USP24: variants seen among roughly 807,000 people sequenced by gnomAD.
The protein encoded by USP24 is ubiquitin specific peptidase 24, also known as ubiquitin carboxyl-terminal hydrolase 24.
USP24 carries 97 observed loss-of-function variants against 361.6 expected under a neutral mutation model. That is an observed-to-expected ratio of 0.27 (90% CI 0.23 to 0.32). The LOEUF is 0.32. Among genes scored for constraint, USP24 ranks in the 10% least tolerant of loss-of-function variants. USP24 has a pLI of 1.00. For synonymous variants in USP24, 1,098 were observed against 1,124.6 expected (o/e 0.98, Z 0.47); for missense variants, 2,353 against 3,165.6 (o/e 0.74, Z 6.16).
At chr1:55,160,412 T>C (rs1011260259) in intron 8 of USP24, among the ~76,000 whole-genome samples, 1 of 152,208 alleles carries the variant, frequency 6.6e-6, no homozygotes. Flanking sequence ...AGAGTCATAG[T>C]GCTCTTTTCA....
intron 1 of USP24, among the ~76,000 whole-genome samples, chr1:55,213,946 T>C (rs1365916410): frequency 3.3e-5 from 5 of 151,924 alleles, no homozygotes; most frequent in Admixed American, 6.6e-5. Flanking sequence ...CTACCATCTC[T>C]TTCCCCGGTC....
chr1:55,077,356 A>G, intron 61 of USP24, 56 bp from the exon 62 acceptor site: 3 of 1,472,620 alleles, frequency 2.0e-6, no homozygotes, highest in Non-Finnish European at 2.8e-6. Flanking sequence ...TGGAATGGCA[A>G]TTAACAATGC....
chr1:55,072,455 G>T, intron 65 of USP24, 52 bp from the exon 66 acceptor site: 1 of 1,432,990 alleles, frequency 7.0e-7, no homozygotes, highest in Non-Finnish European at 9.7e-7. Flanking sequence ...AGCCCCCATG[G>T]GTTCACAGTT....
chr1:55,128,472 C>T (rs892031765), intron 32 of USP24, among the ~76,000 whole-genome samples: 1 of 152,164 alleles, frequency 6.6e-6, no homozygotes, highest in Non-Finnish European at 1.5e-5. Context: ...GTTCCCAAGA[C>T]AGGCGATGCG....
At chr1:55,181,630 A>C (rs1643969054) in intron 1 of USP24, among the ~76,000 whole-genome samples, 1 of 152,240 alleles carries the variant, frequency 6.6e-6, no homozygotes, top group Admixed American at 6.5e-5. Flanking sequence ...ATACGTCATT[A>C]CTATGGAGTA....
intron 56 of USP24, among the ~76,000 whole-genome samples, chr1:55,084,742 T>A (rs1445199705): frequency 6.6e-6 from 1 of 151,988 alleles, no homozygotes; most frequent in Non-Finnish European, 1.5e-5. Context: ...GGGGGGCAAA[T>A]AGACATGAAA....
rs558058079 is a variant in USP24, at chr1:55,159,191, C to G, written c.1069-155G>C. 3.9e-4 allele frequency among the ~76,000 whole-genome samples: 59 copies of G among 152,238 alleles called. No homozygotes were observed. The South Asian group carries it at 6.4e-3, about 17-fold the overall frequency. ...AACTTCATTTTGCTTAGAAACAAAA[C>G]TTAGCACATGGGTGAGCAGTAAAGG... is the stretch of plus-strand genomic sequence containing the variant. On this transcript the variant is annotated intron_variant, in intron 9 of 67. Transcript: ENST00000294383.
rs144120317 is a variant in USP24, at chr1:55,129,057, T to C, written c.3635+420A>G. ...TATAATATAGTTACCTAGCTGTTTGTTATTCTTTGTTAAACCATCAGCTGC... is the reference window on the plus strand; with the variant it reads ...TATAATATAGTTACCTAGCTGTTTGCTATTCTTTGTTAAACCATCAGCTGC... On this transcript the variant is annotated intron_variant, in intron 32 of 67. Transcript: ENST00000294383. Among the ~76,000 whole-genome samples the C allele has an allele frequency of 3.8e-3, 582 of 152,254 alleles. 5 individuals carry two copies. Among genetic ancestry groups the C allele is most frequent in the African/African-American group, 0.013 (545 of 41,540 alleles).
intron 28 of USP24, among the ~76,000 whole-genome samples, chr1:55,135,744 T>C (rs553327284): frequency 2.0e-5 from 3 of 152,076 alleles, no homozygotes; most frequent in East Asian, 1.9e-4. Context: ...ATAATAACCA[T>C]AGGGGGAAAT....
At chr1:55,089,171 G>A (rs112683304) in intron 55 of USP24, among the ~76,000 whole-genome samples, 16,808 of 152,204 alleles carry the variant, frequency 0.11, 1,127 homozygotes, top group Non-Finnish European at 0.15. Flanking sequence ...CTCCCAAAGT[G>A]CAGGGATTAC....
chr1:55,073,875 A>G lies in USP24; in HGVS notation c.7479T>C (p.Ser2493=). ...ATTTGACACACTGGTAGCAGCGACT[A>G]CTGTCCACATGATTACTGTGGTGCA... is the stretch of plus-strand genomic sequence containing the variant. The part of the protein sequence containing the change: ...ALMHHSNHVD[S]SRCYQCVKFL... Residue 2493 remains serine (S), a synonymous_variant, in exon 64 of 68, where the codon AGT becomes AGC. Coordinates refer to ENST00000294383, the MANE Select transcript of USP24 (RefSeq NM_015306.3). 1 of 1,581,610 alleles carries G rather than the reference A, an allele frequency of 6.3e-7. No individual in the cohort carries two copies. Among genetic ancestry groups the G allele is most frequent in the South Asian group, 1.2e-5 (1 of 85,938 alleles).
intron 59 of USP24, 64 bp from the exon 60 acceptor site, chr1:55,079,723 A>T: frequency 6.7e-7 from 1 of 1,497,464 alleles, no homozygotes; most frequent in Non-Finnish European, 8.8e-7. Flanking sequence ...CAAAATACAC[A>T]TCCATAAGAA....
intron 51 of USP24, 88 bp downstream of exon 51, chr1:55,095,167 T>A (rs1645468116): frequency 2.8e-5 from 38 of 1,371,492 alleles, no homozygotes; most frequent in Non-Finnish European, 3.5e-5. Context: ...CTTAGCTAAT[T>A]ATCTTTAAAA....
At chr1:55,188,346 A>G (rs1245564567) in intron 1 of USP24, among the ~76,000 whole-genome samples, 1 of 152,188 alleles carries the variant, frequency 6.6e-6, no homozygotes, top group Non-Finnish European at 1.5e-5. Flanking sequence ...CAAAGAAAAA[A>G]TAAACTTCAT....
Position 55,215,224 on chromosome 1 carries a change from T to A in USP24, c.-111A>T. The A allele has an allele frequency of 1.1e-6, 1 of 891,838 alleles. No homozygotes were observed. Among genetic ancestry groups the A allele is most frequent in the Non-Finnish European group, 1.4e-6 (1 of 691,866 alleles). The allele number at this position is 891,838 out of a possible 1,614,324, so 55.2% of individuals were successfully genotyped here. A position where few individuals can be genotyped will look rare whatever the true frequency, so the allele number is the denominator to read the frequency against. ...CCGCCTCCGCGCCCAGGTTGGCCCC[T>A]GCGTTCCTGCCCCGGGTGCTCCGCA... is the stretch of plus-strand genomic sequence containing the variant. On this transcript the variant is annotated 5_prime_UTR_variant, in exon 1 of 68. Coordinates refer to ENST00000294383, the MANE Select transcript of USP24 (RefSeq NM_015306.3).
In USP24 at chr1:55,125,771, GA is replaced by G. The variant is rs780946109; in HGVS notation, c.3636-14del. 7 of 1,542,530 alleles carry G rather than the reference GA, an allele frequency of 4.5e-6. No individual in the cohort carries two copies. The highest frequency in any genetic ancestry group is 2.1e-5 in the Admixed American group (1 of 47,978). On this transcript the variant is annotated splice_polypyrimidine_tract_variant and intron_variant, in intron 32 of 67. Transcript: ENST00000294383. ...ATTTACAACCAAACTTCAAAAAGAAGAAAAAAAGGCAGGATATTAAAGACTT... is the reference window on the plus strand; with the variant it reads ...ATTTACAACCAAACTTCAAAAAGAAGAAAAAAGGCAGGATATTAAAGACTT...
intron 21 of USP24, among the ~76,000 whole-genome samples, chr1:55,143,378 A>G (rs1646942521): frequency 2.0e-5 from 3 of 152,318 alleles, no homozygotes; most frequent in Admixed American, 6.5e-5. Flanking sequence ...CCTAGACCCA[A>G]ACTGGACACA....
At chr1:55,104,059 A>C (rs952879727) in intron 41 of USP24, 39 bp from the exon 42 acceptor site, 2 of 1,556,338 alleles carry the variant, frequency 1.3e-6, no homozygotes, top group Admixed American at 3.9e-5. Flanking sequence ...AACAATGAAT[A>C]ATCTACTTAA....
chr1:55,204,315 CT>C (rs1644649839), intron 1 of USP24, among the ~76,000 whole-genome samples: 1 of 150,196 alleles, frequency 6.7e-6, no homozygotes. Context: ...AACTGATACA[CT>C]TACGCTTTTA....
Sources: allele counts gnomAD v4.1 joint callset (sites outside exome capture counted in the v4.1 genomes callset), GRCh38; gene constraint gnomAD v4.1.1; transcripts MANE v1.5; gene names NCBI Gene and HGNC (gene_info 2026-07-23, HGNC 2026-07-21).